The following RUFY1 variants were observed in gnomAD, a reference collection of about 807,000 sequenced individuals.
RUFY1 encodes RUN and FYVE domain-containing protein 1.
A neutral mutation model predicts 94.6 loss-of-function variants in RUFY1; 54 were observed. The ratio of observed to expected loss-of-function variants is 0.57; its 90% CI spans 0.46 to 0.72. The LOEUF (loss-of-function observed/expected upper bound fraction) is 0.72. Among genes scored for constraint, RUFY1 ranks in the 30% least tolerant of loss-of-function variants. RUFY1 has a pLI of 0.00. For synonymous variants in RUFY1, 396 were observed against 347.3 expected (o/e 1.14, Z -1.56); for missense variants, 883 against 883.9 (o/e 1.00, Z 0.01).
intron 4 of RUFY1, among the ~76,000 whole-genome samples, chr5:179,568,611 C>T (rs991851630): frequency 2.6e-5 from 4 of 152,042 alleles, no homozygotes; most frequent in Admixed American, 6.5e-5. Context: ...TATTTATAAT[C>T]GATACAAAAT....
chr5:179,565,880 G>A (rs1561979913), intron 3 of RUFY1, among the ~76,000 whole-genome samples: 1 of 152,032 alleles, frequency 6.6e-6, no homozygotes, highest in African/African-American at 2.4e-5. Flanking sequence ...AGCAGCTCAC[G>A]CCTATAATCC....
At position 179,550,603 on chromosome 5, in the gene RUFY1, CGGG is replaced by C. The variant is rs1237636339; in HGVS notation, c.37_39del (p.Gly13del). 10 of 1,359,224 alleles carry C rather than the reference CGGG, an allele frequency of 7.4e-6. 1 individual carries two copies. In the African/African-American group the frequency reaches 1.5e-4, roughly 20 times the overall value. 84.2% of individuals were successfully genotyped at this position (1,359,224 alleles called of 1,614,324 possible). On this transcript the variant is annotated inframe_deletion, in exon 1 of 18. Transcript: ENST00000319449. The stretch of plus-strand genomic sequence containing the variant: ...CCGGGAAGGCGGCTGCGCTGCTGGG[CGGG>C]GGCGGGAGCTGGAGCCGGAGCTGGA...
At chr5:179,562,884 T>G in intron 3 of RUFY1, 1 of 448,982 alleles carries the variant, frequency 2.2e-6, no homozygotes, top group South Asian at 3.0e-5. Context: ...CCAAATAGGT[T>G]GAAAAGGTGT....
Position 179,551,620 on chromosome 5 carries a change from C to T in RUFY1, c.310+741C>T, listed in dbSNP as rs377398176. 3.3e-5 allele frequency among the ~76,000 whole-genome samples: 5 copies of T among 151,486 alleles called. No homozygotes were observed. In the East Asian group the frequency reaches 6.0e-4, roughly 18 times the overall value. ...GATCCTCCCTCCCGCCTCAGCCTCC[C>T]GAGTAGCTGGGATTACAGGTGCCCA... is the stretch of plus-strand genomic sequence containing the variant. On this transcript the variant is annotated intron_variant, in intron 1 of 17. Transcript: ENST00000319449.
chr5:179,570,772 TC>T (rs1412157886), intron 5 of RUFY1, among the ~76,000 whole-genome samples: 1 of 151,582 alleles, frequency 6.6e-6, no homozygotes, highest in Non-Finnish European at 1.5e-5. Flanking sequence ...TTATAACCTC[TC>T]CTCCCTTTAA....
chr5:179,592,372 C>A (rs1390619106), intron 10 of RUFY1, among the ~76,000 whole-genome samples: 1 of 152,198 alleles, frequency 6.6e-6, no homozygotes, highest in East Asian at 1.9e-4. Flanking sequence ...CCCGCCTGAG[C>A]CTCCCAAAGT....
chr5:179,601,075 C>T (rs1357540824), intron 14 of RUFY1, among the ~76,000 whole-genome samples: 1 of 152,150 alleles, frequency 6.6e-6, no homozygotes. Flanking sequence ...GAGCCCTCGT[C>T]GAGTGCTTGC....
At chr5:179,572,913 AATTTTACAC>A (rs1343915291) in intron 5 of RUFY1, among the ~76,000 whole-genome samples, 1 of 152,114 alleles carries the variant, frequency 6.6e-6, no homozygotes, top group African/African-American at 2.4e-5. Context: ...AAAATGTGTA[AATTTTACAC>A]ATTTTTGCCA....
chr5:179,558,166 A>C (rs1242103806), intron 1 of RUFY1, among the ~76,000 whole-genome samples: 1 of 152,212 alleles, frequency 6.6e-6, no homozygotes, highest in Non-Finnish European at 1.5e-5. Context: ...TGCTGTCTTC[A>C]GAGTTTCTCC....
At chr5:179,572,512 A>G (rs183525304) in intron 5 of RUFY1, 5 of 209,216 alleles carry the variant, frequency 2.4e-5, no homozygotes, top group African/African-American at 9.5e-5. Flanking sequence ...CTGAAAACCA[A>G]TGAGGGCATT....
intron 1 of RUFY1, among the ~76,000 whole-genome samples, chr5:179,555,242 A>G (rs1255334634): frequency 6.6e-6 from 1 of 152,180 alleles, no homozygotes; most frequent in Non-Finnish European, 1.5e-5. Flanking sequence ...TGAAAGGCCA[A>G]CGAGAGAGGA....
chr5:179,565,274 G>A (rs1762759824), intron 3 of RUFY1, among the ~76,000 whole-genome samples: 1 of 146,970 alleles, frequency 6.8e-6, no homozygotes, highest in Non-Finnish European at 1.5e-5. Context: ...TGCCTCCCGG[G>A]TTCAAGCCAT....
chr5:179,552,796 A>T (rs1761927408), intron 1 of RUFY1, among the ~76,000 whole-genome samples: 1 of 152,244 alleles, frequency 6.6e-6, no homozygotes, highest in Non-Finnish European at 1.5e-5. Context: ...GGCACAGAAT[A>T]ATAAGTGTTT....
At chr5:179,606,350 C>T (rs1767078408) in intron 16 of RUFY1, 1 of 188,366 alleles carries the variant, frequency 5.3e-6, no homozygotes. Context: ...CTGAGTTGGG[C>T]CAGGTTTCCG....
At position 179,560,699 on chromosome 5, in the gene RUFY1, T is replaced by C. The variant is rs6893834; in HGVS notation, c.484+501T>C. On this transcript the variant is annotated intron_variant, in intron 2 of 17. Transcript: ENST00000319449. Reference sequence around the variant, plus strand: ...TGAGATCGCGCCACTGCACTCCAGCTTGGGCAACAGAGCAAGACTCCGTCT... The same window carrying C: ...TGAGATCGCGCCACTGCACTCCAGCCTGGGCAACAGAGCAAGACTCCGTCT... 4.1e-3 allele frequency among the ~76,000 whole-genome samples: 557 copies of C among 136,776 alleles called. 5 individuals carry two copies. The highest frequency in any genetic ancestry group is 0.014 in the African/African-American group (496 of 35,894). The allele number at this position is 136,776 out of a possible 152,430, so 89.7% of individuals were successfully genotyped here. A position where few individuals can be genotyped will look rare whatever the true frequency, so the allele number is the denominator to read the frequency against.
chr5:179,584,291 A>G (rs1277091678), intron 7 of RUFY1, among the ~76,000 whole-genome samples: 1 of 152,180 alleles, frequency 6.6e-6, no homozygotes, highest in Admixed American at 6.6e-5. Context: ...GGTCTTTGGC[A>G]GCATGACCTG....
At chr5:179,594,260 G>A (rs866101987) in intron 11 of RUFY1, among the ~76,000 whole-genome samples, 25 of 151,266 alleles carry the variant, frequency 1.7e-4, no homozygotes, top group African/African-American at 5.6e-4. Context: ...AAATCATTCC[G>A]TTGCACTCCA....
intron 16 of RUFY1, 98 bp from the exon 17 acceptor site, chr5:179,607,484 A>G: frequency 2.2e-6 from 2 of 929,496 alleles, no homozygotes; most frequent in Non-Finnish European, 3.5e-6. Context: ...ACTAGGAAAC[A>G]GGTGCTATGA....
intron 6 of RUFY1, among the ~76,000 whole-genome samples, chr5:179,577,541 T>G (rs555541550): frequency 1.6e-4 from 23 of 144,004 alleles, no homozygotes; most frequent in Middle Eastern, 6.9e-3. Flanking sequence ...GGACGGAAAT[T>G]GCCGAAGACT....
Sources: gnomAD v4.1 joint callset for allele counts (sites outside exome capture counted in the v4.1 genomes callset) on GRCh38, gnomAD v4.1.1 for gene constraint, MANE v1.5 for transcripts, NCBI Gene and HGNC (gene_info 2026-07-23, HGNC 2026-07-21) for gene names.